Variants in DDX60 observed in about 807,000 individuals in gnomAD.
DDX60 encodes the protein DExD/H-box helicase 60, also known as probable ATP-dependent RNA helicase DDX60.
Under a neutral mutation model 212.8 loss-of-function variants are expected in DDX60, and 165 were observed. The ratio of observed to expected loss-of-function variants is 0.78; its 90% CI spans 0.68 to 0.88. DDX60 has a LOEUF of 0.88. Ranked by LOEUF, DDX60 falls within the 40% of genes least tolerant of loss-of-function variation. DDX60 has a pLI of 0.00. For missense variants in DDX60, 1,905 were observed against 2,003.9 expected (o/e 0.95, Z 0.94); for synonymous variants, 703 against 685.3 (o/e 1.03, Z -0.40).
chr4:168,268,440 A>C (rs1734944302), intron 20 of DDX60, among the ~76,000 whole-genome samples: 1 of 152,196 alleles, frequency 6.6e-6, no homozygotes, highest in South Asian at 2.1e-4. Flanking sequence ...TGACAAGATA[A>C]AATGGGGTTT....
chr4:168,315,495 G>T (rs1460623419), intron 1 of DDX60, among the ~76,000 whole-genome samples: 8 of 152,128 alleles, frequency 5.3e-5, no homozygotes, highest in Non-Finnish European at 7.3e-5. Context: ...TGCCATGGTG[G>T]TTTGCTGCAC....
chr4:168,255,896 G>A lies in DDX60; in HGVS notation c.3399-27C>T, dbSNP rs773195003. Reference sequence around the variant, plus strand: ...TGGAAATAAAAAGAATGTGCGCCTTGAAAATAACATCATAAATACAATTCA... The same window carrying A: ...TGGAAATAAAAAGAATGTGCGCCTTAAAAATAACATCATAAATACAATTCA... On this transcript the variant is annotated intron_variant, in intron 25 of 37. Transcript: ENST00000393743. The A allele has an allele frequency of 2.6e-5, 41 of 1,559,922 alleles. No individual in the cohort carries two copies. In the South Asian group the frequency reaches 4.4e-4, roughly 17 times the overall value.
chr4:168,252,963 C>T (rs1326123470), intron 26 of DDX60, among the ~76,000 whole-genome samples: 1 of 152,122 alleles, frequency 6.6e-6, no homozygotes, highest in African/African-American at 2.4e-5. Flanking sequence ...CACCACCGCA[C>T]CTGGCTAAAT....
intron 6 of DDX60, among the ~76,000 whole-genome samples, chr4:168,300,301 G>A (rs1173027179): frequency 6.6e-6 from 1 of 152,106 alleles, no homozygotes; most frequent in Admixed American, 6.5e-5. Flanking sequence ...CAACACTTTG[G>A]GAGGTCGAGG....
chr4:168,243,893 G>A (rs77060888), intron 30 of DDX60, among the ~76,000 whole-genome samples: 1 of 152,152 alleles, frequency 6.6e-6, no homozygotes, highest in Admixed American at 6.5e-5. Flanking sequence ...AGAAAGTGTG[G>A]TACATATACA....
rs113360938 is a variant in DDX60, at chr4:168,314,979, G to A, written c.-106-3614C>T. 3.3e-3 allele frequency among the ~76,000 whole-genome samples: 501 copies of A among 152,174 alleles called. 2 individuals carry two copies. Among genetic ancestry groups the A allele is most frequent in the African/African-American group, 9.3e-3 (385 of 41,532 alleles). On this transcript the variant is annotated intron_variant, in intron 1 of 37. Coordinates refer to ENST00000393743, the MANE Select transcript of DDX60 (RefSeq NM_017631.6). ...AAGAATAAAGAGAAAGACAGAAAAG[G>A]TACAAAGAAATGGAAGTCAGGCCAT...
In DDX60 at chr4:168,267,999, T is replaced by C. The variant is rs575083724; in HGVS notation, c.2787-16A>G. The C allele has an allele frequency of 1.3e-6, 2 of 1,599,184 alleles. No homozygotes were observed. Among genetic ancestry groups the C allele is most frequent in the African/African-American group, 1.3e-5 (1 of 74,324 alleles). On this transcript the variant is annotated splice_polypyrimidine_tract_variant and intron_variant, in intron 20 of 37. Transcript: ENST00000393743. ...TTGTAGCCACCTTAAAAAATAAATG[T>C]ACATATTATTTAGGCAGAACATGGA...
chr4:168,293,797 T>C lies in DDX60; in HGVS notation c.872A>G (p.Glu291Gly). 1 of 1,606,342 alleles carries C rather than the reference T, an allele frequency of 6.2e-7. No individual in the cohort carries two copies. The highest frequency in any genetic ancestry group is 8.5e-7 in the Non-Finnish European group (1 of 1,177,820). The change falls in exon 7 of 38, where the codon GAG becomes GGG. Residue 291 changes from glutamate (E) to glycine (G), a missense_variant. Coordinates refer to ENST00000393743, the MANE Select transcript of DDX60 (RefSeq NM_017631.6). The stretch of plus-strand genomic sequence containing the variant: ...TTATAAAAACCACACCTGTTGGATC[T>C]CAGTTTCCTGACCAGAGGAGGGCTC... ...NREPSSGQET[E>G]IQQVNSNCLT...
chr4:168,259,769 T>C (rs1734552153), intron 25 of DDX60, among the ~76,000 whole-genome samples: 1 of 151,542 alleles, frequency 6.6e-6, no homozygotes, highest in Admixed American at 6.6e-5. Flanking sequence ...AATTTTAAGC[T>C]ATTTGATACT....
intron 37 of DDX60, among the ~76,000 whole-genome samples, chr4:168,219,343 G>A (rs1732966990): frequency 6.6e-6 from 1 of 151,832 alleles, no homozygotes; most frequent in Non-Finnish European, 1.5e-5. Flanking sequence ...CTTAGGAAGT[G>A]TGTCTCATAC....
At chr4:168,311,388 G>A (rs1737127956) in intron 1 of DDX60, 23 bp from the exon 2 acceptor site, 9 of 928,658 alleles carry the variant, frequency 9.7e-6, no homozygotes, top group Non-Finnish European at 1.3e-5. Flanking sequence ...AAAAGAAAAT[G>A]AGTCTTTATT....
intron 26 of DDX60, among the ~76,000 whole-genome samples, chr4:168,252,971 A>T (rs112966130): frequency 0.015 from 2,342 of 151,998 alleles, 59 homozygotes; most frequent in African/African-American, 0.052. Context: ...CACCTGGCTA[A>T]ATTTTGTATC....
upstream of DDX60, among the ~76,000 whole-genome samples, chr4:168,319,371 G>A (rs1363950098): frequency 6.6e-6 from 1 of 152,116 alleles, no homozygotes; most frequent in Non-Finnish European, 1.5e-5. Flanking sequence ...AAAAGACACT[G>A]TGGAATCTGA....
At chr4:168,273,074 G>C (rs1735172542) in intron 18 of DDX60, among the ~76,000 whole-genome samples, 1 of 152,070 alleles carries the variant, frequency 6.6e-6, no homozygotes, top group Non-Finnish European at 1.5e-5. Context: ...AAATCCAAAG[G>C]TCAGTGTCCT....
intron 30 of DDX60, among the ~76,000 whole-genome samples, chr4:168,241,586 T>C (rs1263173801): frequency 4.6e-5 from 7 of 152,124 alleles, no homozygotes; most frequent in Non-Finnish European, 7.3e-5. Context: ...GCCTGAGAGA[T>C]TTATGGAACT....
At chr4:168,246,070 T>C (rs1261281937) in intron 30 of DDX60, among the ~76,000 whole-genome samples, 2 of 152,150 alleles carry the variant, frequency 1.3e-5, no homozygotes, top group South Asian at 2.1e-4. Flanking sequence ...AAATAAATAT[T>C]TTTTTCTTTC....
chr4:168,297,255 GAAAGAAAGAAAGAA>G lies in DDX60; in HGVS notation c.724-3324_724-3311del, dbSNP rs559298314. Among the ~76,000 whole-genome samples, 947 of 144,726 alleles carry G rather than the reference GAAAGAAAGAAAGAA, an allele frequency of 6.5e-3. 40 individuals carry two copies. The highest frequency in any genetic ancestry group is 0.023 in the African/African-American group (866 of 37,216). The allele number at this position is 144,726 out of a possible 152,430, so 94.9% of individuals were successfully genotyped here. On this transcript the variant is annotated intron_variant, in intron 6 of 37. Transcript: ENST00000393743. ...AACTGATAAACCAAAAACAGGGCTG[GAAAGAAAGAAAGAA>G]AAAGAAAGAAAGAAAGAGAGAGAGA...
chr4:168,264,761 T>A (rs1043717418), intron 22 of DDX60, among the ~76,000 whole-genome samples: 1 of 152,196 alleles, frequency 6.6e-6, no homozygotes, highest in African/African-American at 2.4e-5. Flanking sequence ...TAGTTCTTAA[T>A]CTTTTAAATC....
intron 6 of DDX60, among the ~76,000 whole-genome samples, chr4:168,295,119 T>C (rs1223124926): frequency 6.6e-6 from 1 of 152,196 alleles, no homozygotes; most frequent in Non-Finnish European, 1.5e-5. Context: ...AGAACTCTAA[T>C]ACATTGTTGG....
Sources: allele counts gnomAD v4.1 joint callset (sites outside exome capture counted in the v4.1 genomes callset), GRCh38; gene constraint gnomAD v4.1.1; transcripts MANE v1.5; gene names NCBI Gene and HGNC (gene_info 2026-07-23, HGNC 2026-07-21).